INSL6: variants seen among roughly 807,000 people sequenced by gnomAD.
INSL6 encodes the protein insulin-like peptide INSL6.
In INSL6, 16 loss-of-function variants were observed where a neutral mutation model predicts 9.4. The ratio of observed to expected loss-of-function variants is 1.70; its 90% CI spans 1.15 to 2.59. The LOEUF is 2.59. Among genes scored for constraint, INSL6 ranks in the 30% most tolerant of loss-of-function variants. The pLI is 0.00. For synonymous variants in INSL6, 154 were observed against 96.9 expected (o/e 1.59, Z -3.46); for missense variants, 391 against 257.3 (o/e 1.52, Z -3.56).
At chr9:5,055,912 T>A in the INSL6 span, 1 of 800,154 alleles carries the variant, frequency 1.2e-6, no homozygotes, top group Non-Finnish European at 1.9e-6. Flanking sequence ...AATATAACTC[T>A]AAACATCAGT....
chr9:5,169,056 C>T (rs763196802), intron 1 of INSL6, among the ~76,000 whole-genome samples: 39 of 151,936 alleles, frequency 2.6e-4, no homozygotes, highest in Non-Finnish European at 4.9e-4. Flanking sequence ...CTTCCCAAGT[C>T]CCTGGGATTA....
downstream of INSL6, among the ~76,000 whole-genome samples, chr9:5,160,941 T>C (rs1380500097): frequency 1.3e-5 from 2 of 152,244 alleles, no homozygotes; most frequent in South Asian, 4.1e-4. Flanking sequence ...AGATTGAAGC[T>C]ATAATAAAAA....
At chr9:5,055,980 A>G in the INSL6 span, among the ~76,000 whole-genome samples, 3 of 152,036 alleles carry the variant, frequency 2.0e-5, no homozygotes, top group Non-Finnish European at 4.4e-5. Context: ...CCATCTTCCT[A>G]CAGAGTTTCT....
chr9:5,039,328 T>C, the INSL6 span, among the ~76,000 whole-genome samples: 3 of 152,298 alleles, frequency 2.0e-5, no homozygotes, highest in Non-Finnish European at 4.4e-5. Context: ...AGACTTTTTC[T>C]TGTCATTACT....
the INSL6 span, among the ~76,000 whole-genome samples, chr9:5,039,994 G>A: frequency 1.3e-5 from 2 of 152,102 alleles, no homozygotes; most frequent in African/African-American, 2.4e-5. Flanking sequence ...AAGGGACTTA[G>A]CATAGCTAAA....
At chr9:4,991,994 T>C in the INSL6 span, among the ~76,000 whole-genome samples, 1 of 152,180 alleles carries the variant, frequency 6.6e-6, no homozygotes, top group African/African-American at 2.4e-5. Flanking sequence ...TTAAAACAAC[T>C]ACTTTATTAG....
At chr9:5,130,484 G>T (rs1023268654) in intron 3 of INSL6, among the ~76,000 whole-genome samples, 2 of 152,104 alleles carry the variant, frequency 1.3e-5, no homozygotes, top group African/African-American at 2.4e-5. Context: ...AGTTGCAGAT[G>T]ATAAGACTTG....
chr9:5,156,811 A>G (rs1448792991), intron 2 of INSL6, among the ~76,000 whole-genome samples: 1 of 152,220 alleles, frequency 6.6e-6, no homozygotes, highest in Non-Finnish European at 1.5e-5. Flanking sequence ...AGTTACAAGA[A>G]TAAGTGAATT....
chr9:5,075,590 C>T, the INSL6 span, among the ~76,000 whole-genome samples: 1 of 152,138 alleles, frequency 6.6e-6, no homozygotes, highest in Non-Finnish European at 1.5e-5. Context: ...CTATTTTAAG[C>T]CCATTGTTGA....
At chr9:5,164,555 A>ACT (rs1483996455) in intron 1 of INSL6, among the ~76,000 whole-genome samples, 1 of 152,242 alleles carries the variant, frequency 6.6e-6, no homozygotes, top group African/African-American at 2.4e-5. Context: ...GTCTTAGTAT[A>ACT]TTCGCAGGGT....
chr9:5,028,399 T>G, the INSL6 span, among the ~76,000 whole-genome samples: 1 of 152,214 alleles, frequency 6.6e-6, no homozygotes, highest in Non-Finnish European at 1.5e-5. Context: ...TTGTCCCATT[T>G]ATAGAGCACA....
intron 1 of INSL6, among the ~76,000 whole-genome samples, chr9:5,165,639 T>C (rs757241145): frequency 2.0e-5 from 3 of 152,190 alleles, no homozygotes; most frequent in Non-Finnish European, 4.4e-5. Flanking sequence ...ATCTTACAAC[T>C]GAGCAGTAGA....
chr9:5,022,129 G>C, the INSL6 span: 2 of 1,614,054 alleles, frequency 1.2e-6, no homozygotes, highest in Non-Finnish European at 1.7e-6. Context: ...CCATTCCCTT[G>C]GGAAATCTGA....
the INSL6 span, among the ~76,000 whole-genome samples, chr9:5,045,382 G>T: frequency 4.6e-5 from 7 of 152,218 alleles, no homozygotes; most frequent in Admixed American, 6.5e-5. Context: ...TGGGGTATGA[G>T]ACCAACAAAC....
chr9:5,103,473 G>C, the INSL6 span, among the ~76,000 whole-genome samples: 1 of 151,936 alleles, frequency 6.6e-6, no homozygotes, highest in South Asian at 2.1e-4. Flanking sequence ...ATAATAATGG[G>C]AGACTTTAAC....
chr9:5,135,743 G>C (rs904255071), intron 2 of INSL6, among the ~76,000 whole-genome samples: 2 of 152,018 alleles, frequency 1.3e-5, no homozygotes, highest in African/African-American at 4.8e-5. Flanking sequence ...AAATTTAAAA[G>C]CTAGCAGAAG....
At chr9:5,180,047 A>C (rs963081458) in intron 1 of INSL6, among the ~76,000 whole-genome samples, 1 of 152,208 alleles carries the variant, frequency 6.6e-6, no homozygotes, top group East Asian at 1.9e-4. Context: ...ATTAGTGTAT[A>C]TATTCTGTTG....
chr9:5,115,138 T>C, the INSL6 span, among the ~76,000 whole-genome samples: 3 of 151,934 alleles, frequency 2.0e-5, no homozygotes, highest in Admixed American at 1.3e-4. Flanking sequence ...ACCTACAGAA[T>C]GGGAAAAATT....
At chr9:4,993,274 C>T in the INSL6 span, among the ~76,000 whole-genome samples, 1 of 152,182 alleles carries the variant, frequency 6.6e-6, no homozygotes, top group Admixed American at 6.5e-5. Context: ...CTATGAGGTA[C>T]TGATTTAGAT....
Sources: allele counts gnomAD v4.1 joint callset (sites outside exome capture counted in the v4.1 genomes callset), GRCh38; gene constraint gnomAD v4.1.1; transcripts MANE v1.5; gene names NCBI Gene and HGNC (gene_info 2026-07-23, HGNC 2026-07-21).